RAP1GAP2: variants seen among roughly 807,000 people sequenced by gnomAD.
RAP1GAP2 encodes the protein rap1 GTPase-activating protein 2.
RAP1GAP2 carries 27 observed loss-of-function variants against 95.0 expected under a neutral mutation model. The ratio of observed to expected loss-of-function variants is 0.28; its 90% CI spans 0.21 to 0.39. The LOEUF is 0.39. RAP1GAP2 is among the 10% of genes least tolerant of loss of function. RAP1GAP2 has a pLI of 1.00. For synonymous variants in RAP1GAP2, 373 were observed against 380.9 expected (o/e 0.98, Z 0.24); for missense variants, 771 against 970.0 (o/e 0.79, Z 2.72).
At chr17:2,892,197 C>T (rs1210936101) in intron 2 of RAP1GAP2, among the ~76,000 whole-genome samples, 1 of 151,988 alleles carries the variant, frequency 6.6e-6, no homozygotes, top group Admixed American at 6.6e-5. Context: ...TTTCATTTGC[C>T]CAGGTGTTCT....
At chr17:2,800,874 G>A (rs1421922747) in intron 2 of RAP1GAP2, among the ~76,000 whole-genome samples, 1 of 142,798 alleles carries the variant, frequency 7.0e-6, no homozygotes, top group South Asian at 2.2e-4. Context: ...TTTTTGAGAC[G>A]GAGTCTTGCT....
At chr17:2,900,952 G>A (rs1460959494) in intron 2 of RAP1GAP2, among the ~76,000 whole-genome samples, 1 of 152,204 alleles carries the variant, frequency 6.6e-6, no homozygotes, top group African/African-American at 2.4e-5. Context: ...AAGATGGTCT[G>A]AGGCAGAGCC....
intron 2 of RAP1GAP2, among the ~76,000 whole-genome samples, chr17:2,826,451 G>C (rs112375587): frequency 1.3e-5 from 2 of 152,062 alleles, no homozygotes; most frequent in Admixed American, 6.6e-5. Flanking sequence ...GGATCCGCTC[G>C]GGGAGGCTCT....
In RAP1GAP2 at chr17:3,027,279, G is replaced by A. The variant is rs79116988; in HGVS notation, c.2107+209G>A. Among the ~76,000 whole-genome samples the A allele has an allele frequency of 0.033, 5,083 of 152,322 alleles. 281 individuals carry two copies. The highest frequency in any genetic ancestry group is 0.12 in the African/African-American group (4,806 of 41,552). The stretch of plus-strand genomic sequence containing the variant: ...CTCTTCTTACACTGAGAGTTGTGAA[G>A]CTGAGGCAGAGAGTTGAAGGCCTTG... On this transcript the variant is annotated intron_variant, in intron 22 of 24. Transcript: ENST00000254695. The surrounding 1 kb of genome is among the most constrained non-coding windows in gnomAD (Gnocchi z 5.2).
At chr17:2,938,196 C>G (rs556989259) in intron 3 of RAP1GAP2, among the ~76,000 whole-genome samples, 1 of 152,132 alleles carries the variant, frequency 6.6e-6, no homozygotes, top group African/African-American at 2.4e-5. Context: ...TTATATTTCT[C>G]CCATTTTATA....
chr17:2,895,034 G>A (rs1000296095), intron 2 of RAP1GAP2, among the ~76,000 whole-genome samples: 3 of 152,176 alleles, frequency 2.0e-5, no homozygotes, highest in East Asian at 1.9e-4. Flanking sequence ...TCCGCACAGC[G>A]CCGGCACTGT....
chr17:2,921,781 C>T (rs934949517), intron 3 of RAP1GAP2, among the ~76,000 whole-genome samples: 2 of 149,990 alleles, frequency 1.3e-5, no homozygotes, highest in African/African-American at 5.0e-5. Context: ...GCCATGTTCC[C>T]GCCAGAGGCT....
intron 11 of RAP1GAP2, among the ~76,000 whole-genome samples, chr17:2,990,131 C>T (rs1372335347): frequency 6.6e-6 from 1 of 152,206 alleles, no homozygotes; most frequent in African/African-American, 2.4e-5. Flanking sequence ...TTTTGTCTAT[C>T]TATTCATCAG....
intron 1 of RAP1GAP2, among the ~76,000 whole-genome samples, chr17:2,777,865 C>T (rs1048190665): frequency 9.2e-5 from 14 of 152,150 alleles, no homozygotes; most frequent in African/African-American, 2.2e-4. Flanking sequence ...AAGCCCTATA[C>T]GCCTCAGTTT....
chr17:2,847,070 G>A (rs943469924), intron 2 of RAP1GAP2, among the ~76,000 whole-genome samples: 3 of 152,152 alleles, frequency 2.0e-5, no homozygotes, highest in Non-Finnish European at 2.9e-5. Flanking sequence ...GTGCAGTGGC[G>A]CGATCTCGGC....
chr17:2,929,562 G>T (rs556788989), intron 3 of RAP1GAP2, among the ~76,000 whole-genome samples: 1 of 152,164 alleles, frequency 6.6e-6, no homozygotes, highest in Non-Finnish European at 1.5e-5. Flanking sequence ...CGTAGGGATC[G>T]TTTGGCATCA....
chr17:3,023,594 G>GGGA (rs1445781215), intron 19 of RAP1GAP2, among the ~76,000 whole-genome samples: 2 of 152,136 alleles, frequency 1.3e-5, no homozygotes, highest in African/African-American at 4.8e-5. Flanking sequence ...GAGATGTCCA[G>GGGA]GGAGTGGTCA....
intron 2 of RAP1GAP2, among the ~76,000 whole-genome samples, chr17:2,872,902 G>A (rs775357718): frequency 3.3e-5 from 5 of 151,788 alleles, no homozygotes; most frequent in Admixed American, 1.3e-4. Context: ...GGGCTCAAGC[G>A]ATCCTCCAAC....
At chr17:2,991,226 A>G (rs1458314051) in intron 11 of RAP1GAP2, 71 bp from the exon 12 acceptor site, 1 of 1,217,680 alleles carries the variant, frequency 8.2e-7, no homozygotes, top group African/African-American at 1.5e-5. Context: ...GTACCTGGGC[A>G]TCCATATTCC....
Position 2,902,730 on chromosome 17 carries a change from C to T in RAP1GAP2, c.81-2554C>T, listed in dbSNP as rs1160081017. On this transcript the variant is annotated intron_variant, in intron 2 of 24. Coordinates refer to ENST00000254695, the MANE Select transcript of RAP1GAP2 (RefSeq NM_015085.5). This position sits in a 1 kb window ranked among gnomAD's most constrained non-coding sequence, Gnocchi z 4.1. ...TCCGACTTGAGAGTCTGCCTCGCTT[C>T]CTAGAGACCGGCCCCAGGAGCTTAT... 6.6e-6 allele frequency among the ~76,000 whole-genome samples: 1 copy of T among 152,162 alleles called. No homozygotes were observed. The highest frequency in any genetic ancestry group is 1.5e-5 in the Non-Finnish European group (1 of 68,030).
chr17:2,947,924 C>T (rs1597692446), intron 3 of RAP1GAP2, among the ~76,000 whole-genome samples: 2 of 152,158 alleles, frequency 1.3e-5, no homozygotes, highest in African/African-American at 4.8e-5. Context: ...ACTTTCTGGC[C>T]CGCATCTCCC....
At chr17:2,854,356 C>G (rs1314485266) in intron 2 of RAP1GAP2, among the ~76,000 whole-genome samples, 1 of 152,226 alleles carries the variant, frequency 6.6e-6, no homozygotes, top group African/African-American at 2.4e-5. Flanking sequence ...CGGAGGGACC[C>G]CAAGTCCGTC....
chr17:2,945,310 A>G (rs548082875), intron 3 of RAP1GAP2, among the ~76,000 whole-genome samples: 1 of 152,190 alleles, frequency 6.6e-6, no homozygotes, highest in South Asian at 2.1e-4. Flanking sequence ...TTGCTGGTGT[A>G]TAGAAACACA....
chr17:2,920,838 G>A (rs562441177), intron 3 of RAP1GAP2, among the ~76,000 whole-genome samples: 1 of 152,190 alleles, frequency 6.6e-6, no homozygotes, highest in Non-Finnish European at 1.5e-5. Context: ...CGGCTCAGCA[G>A]CGGGATGCTG....
Sources: gnomAD v4.1 joint callset for allele counts (sites outside exome capture counted in the v4.1 genomes callset) on GRCh38, gnomAD v4.1.1 for gene constraint, Gnocchi (gnomAD v3.1) non-coding constraint, MANE v1.5 for transcripts, NCBI Gene and HGNC (gene_info 2026-07-23, HGNC 2026-07-21) for gene names.